VAV2: variants seen among roughly 807,000 people sequenced by gnomAD.
VAV2 encodes guanine nucleotide exchange factor VAV2.
In VAV2, 67 loss-of-function variants were observed where a neutral mutation model predicts 132.5. The observed-to-expected ratio is 0.51, with a 90% CI of 0.42 to 0.62. The LOEUF (loss-of-function observed/expected upper bound fraction) is 0.62. VAV2 is among the 20% of genes least tolerant of loss of function. The pLI is 0.00. For missense variants in VAV2, 938 were observed against 1,153.6 expected (o/e 0.81, Z 2.71); for synonymous variants, 492 against 443.5 (o/e 1.11, Z -1.37).
intron 4 of VAV2, among the ~76,000 whole-genome samples, chr9:133,821,882 T>C (rs936138723): frequency 6.6e-6 from 1 of 152,142 alleles, no homozygotes; most frequent in Non-Finnish European, 1.5e-5. Flanking sequence ...CACCCCTCCT[T>C]CCTTCCTGCC....
intron 13 of VAV2, among the ~76,000 whole-genome samples, chr9:133,791,485 G>A (rs1272858142): frequency 6.6e-6 from 1 of 152,162 alleles, no homozygotes; most frequent in Non-Finnish European, 1.5e-5. Flanking sequence ...AGGCTTGGGG[G>A]AGAAGGGGGG....
chr9:133,842,032 CAGTACATCTGAACA>C (rs1836745507), intron 3 of VAV2, among the ~76,000 whole-genome samples: 2 of 152,340 alleles, frequency 1.3e-5, no homozygotes, highest in Admixed American at 1.3e-4. Flanking sequence ...CTTCCTCCCA[CAGTACATCTGAACA>C]AGAACGCAGC....
At chr9:133,831,782 C>T (rs1014313142) in intron 4 of VAV2, among the ~76,000 whole-genome samples, 3 of 152,234 alleles carry the variant, frequency 2.0e-5, no homozygotes, top group Non-Finnish European at 4.4e-5. Context: ...GAAACTTGCC[C>T]TCACACCGGC....
intron 2 of VAV2, among the ~76,000 whole-genome samples, chr9:133,871,475 TG>T (rs1838049215): frequency 2.1e-5 from 2 of 96,546 alleles, no homozygotes; most frequent in South Asian, 6.8e-4. Flanking sequence ...AGCGGATGGA[TG>T]GATGGATGGA....
intron 1 of VAV2, 170 bp from the exon 2 acceptor site, chr9:133,939,389 C>G: frequency 1.5e-6 from 1 of 666,522 alleles, no homozygotes; most frequent in Non-Finnish European, 2.7e-6. Context: ...CGAAACCCCC[C>G]GTCCCAAGGC....
chr9:133,814,783 C>T (rs1206923098), intron 4 of VAV2, among the ~76,000 whole-genome samples: 3 of 152,134 alleles, frequency 2.0e-5, no homozygotes, highest in Non-Finnish European at 2.9e-5. Context: ...CGACCAGAAC[C>T]GGTTGCTGAC....
intron 2 of VAV2, among the ~76,000 whole-genome samples, chr9:133,878,638 T>C (rs1322764695): frequency 6.6e-6 from 1 of 152,156 alleles, no homozygotes; most frequent in Non-Finnish European, 1.5e-5. Flanking sequence ...GAGCTTAACC[T>C]TTGAGAGGCC....
intron 4 of VAV2, among the ~76,000 whole-genome samples, chr9:133,814,859 A>C (rs371028798): frequency 6.6e-6 from 1 of 152,208 alleles, no homozygotes; most frequent in African/African-American, 2.4e-5. Flanking sequence ...GGGAAAGCCC[A>C]GCCCGGGCTG....
At position 133,857,842 on chromosome 9, in the gene VAV2, G is replaced by A. The variant is rs1232941960; in HGVS notation, c.380+3532C>T. 6.6e-6 allele frequency among the ~76,000 whole-genome samples: 1 copy of A among 152,208 alleles called. No individual in the cohort carries two copies. Among genetic ancestry groups the A allele is most frequent in the Non-Finnish European group, 1.5e-5 (1 of 68,044 alleles). On this transcript the variant is annotated intron_variant, in intron 3 of 29. Transcript: ENST00000371850. The surrounding 1 kb of genome is among the most constrained non-coding windows in gnomAD (Gnocchi z 4.0). ...AAGGGCTGCAGAGGGAAAGGACCCA[G>A]GAAAAGTCCCAGAGTGGGGCTCAGA...
chr9:133,851,927 G>GGATA (rs1837199938), intron 3 of VAV2, among the ~76,000 whole-genome samples: 1 of 151,566 alleles, frequency 6.6e-6, no homozygotes, highest in African/African-American at 2.4e-5. Context: ...ATGGATGGAT[G>GGATA]GATGGATGGA....
chr9:133,861,449 G>T lies in VAV2; in HGVS notation c.322-17C>A. On this transcript the variant is annotated splice_polypyrimidine_tract_variant and intron_variant, in intron 2 of 29. Transcript: ENST00000371850. ...GGAGATGACCTGGGGGAGACAAGAA[G>T]AGACGCTCCTGTAATTTCACAAGAA... 1 of 1,612,174 alleles carries T rather than the reference G, an allele frequency of 6.2e-7. No homozygotes were observed. The highest frequency in any genetic ancestry group is 8.5e-7 in the Non-Finnish European group (1 of 1,179,434).
chr9:133,964,693 T>G (rs1842090054), intron 1 of VAV2, among the ~76,000 whole-genome samples: 1 of 151,984 alleles, frequency 6.6e-6, no homozygotes, highest in South Asian at 2.1e-4. Flanking sequence ...ACATGATATA[T>G]CACATCAACA....
intron 13 of VAV2, 130 bp from the exon 14 acceptor site, chr9:133,789,473 C>G: frequency 1.2e-6 from 1 of 823,640 alleles, no homozygotes; most frequent in Admixed American, 2.1e-5. Flanking sequence ...CGAAGGGAAA[C>G]AGCCCCTGTG....
At chr9:133,903,263 G>C (rs760948760) in intron 2 of VAV2, among the ~76,000 whole-genome samples, 3 of 152,034 alleles carry the variant, frequency 2.0e-5, no homozygotes, top group Admixed American at 1.3e-4. Flanking sequence ...GCCTCATTTC[G>C]GTTCCAGTAC....
At chr9:133,878,815 G>C (rs549229983) in intron 2 of VAV2, among the ~76,000 whole-genome samples, 35 of 152,342 alleles carry the variant, frequency 2.3e-4, no homozygotes, top group African/African-American at 7.0e-4. Flanking sequence ...GGCAGTGGGG[G>C]CAGGGGCCAG....
intron 2 of VAV2, among the ~76,000 whole-genome samples, chr9:133,871,538 CAG>C (rs145636084): frequency 2.0e-5 from 3 of 151,706 alleles, no homozygotes; most frequent in African/African-American, 7.3e-5. Context: ...GATGCCGACT[CAG>C]AGAGATCCCT....
intron 3 of VAV2, among the ~76,000 whole-genome samples, chr9:133,838,713 T>TGATGGATGGGTGGGTG (rs1836581129): frequency 2.1e-5 from 1 of 48,254 alleles, no homozygotes; most frequent in East Asian, 5.8e-4. Flanking sequence ...GTGGGTGGAT[T>TGATGGATGGGTGGGTG]GATGGATGGG....
chr9:133,783,455 A>T, intron 19 of VAV2, 48 bp downstream of exon 19: 1 of 1,545,770 alleles, frequency 6.5e-7, no homozygotes, highest in Non-Finnish European at 8.8e-7. Flanking sequence ...GGCAGAAGTG[A>T]GCAGGCGTGG....
intron 2 of VAV2, among the ~76,000 whole-genome samples, chr9:133,923,739 C>G (rs961826085): frequency 2.6e-5 from 4 of 152,146 alleles, no homozygotes; most frequent in Non-Finnish European, 5.9e-5. Context: ...TTGGAACCAA[C>G]CCAAATGTCC....
Sources: gnomAD v4.1 joint callset for allele counts (sites outside exome capture counted in the v4.1 genomes callset) on GRCh38, gnomAD v4.1.1 for gene constraint, Gnocchi (gnomAD v3.1) non-coding constraint, MANE v1.5 for transcripts, NCBI Gene and HGNC (gene_info 2026-07-23, HGNC 2026-07-21) for gene names.